Variants in VTI1A observed in about 807,000 individuals in gnomAD.
The protein encoded by VTI1A is vesicle transport through interaction with t-SNAREs homolog 1A.
A neutral mutation model predicts 34.9 loss-of-function variants in VTI1A; 22 were observed. The ratio of observed to expected loss-of-function variants is 0.63; its 90% CI spans 0.45 to 0.90. The LOEUF (loss-of-function observed/expected upper bound fraction) is 0.90. Ranked by LOEUF, VTI1A falls within the 40% of genes least tolerant of loss-of-function variation. VTI1A has a pLI of 0.00. For missense variants in VTI1A, 268 were observed against 275.6 expected (o/e 0.97, Z 0.20); for synonymous variants, 87 against 97.3 (o/e 0.89, Z 0.62).
chr10:112,584,106 T>C (rs1844060195), intron 5 of VTI1A, among the ~76,000 whole-genome samples: 1 of 152,232 alleles, frequency 6.6e-6, no homozygotes, highest in Non-Finnish European at 1.5e-5. Flanking sequence ...TACAATAGTA[T>C]TTAAAGAGCA....
intron 7 of VTI1A, among the ~76,000 whole-genome samples, chr10:112,796,265 G>A (rs991687796): frequency 6.6e-6 from 1 of 152,032 alleles, no homozygotes; most frequent in South Asian, 2.1e-4. Flanking sequence ...AATTAGCCAG[G>A]CATGGTGGCA....
intron 5 of VTI1A, among the ~76,000 whole-genome samples, chr10:112,645,988 A>T (rs1426155983): frequency 1.5e-5 from 2 of 135,676 alleles, no homozygotes; most frequent in East Asian, 4.3e-4. Context: ...AGTGCCAGGG[A>T]TGGGGAGTGG....
chr10:112,844,187 A>G, the VTI1A span, among the ~76,000 whole-genome samples: 2 of 152,192 alleles, frequency 1.3e-5, no homozygotes, highest in Non-Finnish European at 2.9e-5. Flanking sequence ...GAGTCCTTCC[A>G]GATATACCAT....
intron 5 of VTI1A, among the ~76,000 whole-genome samples, chr10:112,592,158 T>C (rs1310246304): frequency 6.6e-6 from 1 of 152,154 alleles, no homozygotes; most frequent in Non-Finnish European, 1.5e-5. Context: ...AGTTTGGAAA[T>C]GGATACATCC....
At chr10:112,827,734 A>G in the VTI1A span, 2 of 152,204 alleles carry the variant, frequency 1.3e-5, no homozygotes, top group African/African-American at 4.8e-5. Context: ...AAAGTCGGCT[A>G]TTCCCATCTT....
intron 7 of VTI1A, among the ~76,000 whole-genome samples, chr10:112,700,117 C>CAAAAAA (rs1201699870): frequency 4.2e-4 from 17 of 40,140 alleles, no homozygotes; most frequent in East Asian, 8.4e-4. Context: ...GACTCCATCT[C>CAAAAAA]AAAAAAAAAA....
chr10:112,495,839 A>G (rs1318654526), intron 3 of VTI1A, among the ~76,000 whole-genome samples: 2 of 152,220 alleles, frequency 1.3e-5, no homozygotes, highest in African/African-American at 4.8e-5. Context: ...CAATTCAATG[A>G]CTTGAATTGA....
chr10:112,711,266 G>T lies in VTI1A; in HGVS notation c.560+42268G>T, dbSNP rs887454417. ...ATTGTGCAGAATAGCCCTTACCAAG[G>T]AGTAATTTAGAGCATTTTCAGTTTA... On this transcript the variant is annotated intron_variant, in intron 7 of 7. Transcript: ENST00000393077. Among the ~76,000 whole-genome samples, 21 of 152,130 alleles carry T rather than the reference G, an allele frequency of 1.4e-4. 1 individual carries two copies. The highest frequency in any genetic ancestry group is 4.3e-4 in the African/African-American group (18 of 41,416).
At chr10:112,765,380 T>C (rs1465055913) in intron 7 of VTI1A, among the ~76,000 whole-genome samples, 1 of 152,130 alleles carries the variant, frequency 6.6e-6, no homozygotes, top group Non-Finnish European at 1.5e-5. Flanking sequence ...CAGCTAATTT[T>C]TGTATTTTTG....
chr10:112,492,141 GC>G (rs982999040), intron 3 of VTI1A, among the ~76,000 whole-genome samples: 9 of 152,118 alleles, frequency 5.9e-5, no homozygotes, highest in African/African-American at 1.7e-4. Flanking sequence ...ACTTCCCATT[GC>G]TAACGAAGAT....
At chr10:112,640,432 A>T (rs1284876517) in intron 5 of VTI1A, among the ~76,000 whole-genome samples, 2 of 151,196 alleles carry the variant, frequency 1.3e-5, no homozygotes, top group African/African-American at 4.9e-5. Context: ...CTCCTCTCCC[A>T]CTCCTCCTGC....
chr10:112,591,518 T>A (rs1302878113), intron 5 of VTI1A, among the ~76,000 whole-genome samples: 1 of 150,710 alleles, frequency 6.6e-6, no homozygotes, highest in African/African-American at 2.4e-5. Flanking sequence ...AGACTCCGTC[T>A]CACACACACA....
At chr10:112,509,925 T>C (rs948185491) in intron 3 of VTI1A, among the ~76,000 whole-genome samples, 15 of 152,210 alleles carry the variant, frequency 9.9e-5, no homozygotes, top group Non-Finnish European at 2.1e-4. Context: ...TGTAAGATGC[T>C]GTGAGGGAGC....
chr10:112,813,515 G>A (rs1392963076), intron 7 of VTI1A, among the ~76,000 whole-genome samples: 1 of 152,196 alleles, frequency 6.6e-6, no homozygotes, highest in Non-Finnish European at 1.5e-5. Flanking sequence ...ACAGTGACTT[G>A]GGCAAATGGG....
At chr10:112,464,681 C>T in intron 3 of VTI1A, 24 bp downstream of exon 3, 1 of 1,595,006 alleles carries the variant, frequency 6.3e-7, no homozygotes, top group Non-Finnish European at 8.6e-7. Context: ...GACCCTTTGT[C>T]ATATTTACTT....
chr10:112,518,589 C>CTATATA (rs34659243), intron 3 of VTI1A, among the ~76,000 whole-genome samples: 13 of 94,318 alleles, frequency 1.4e-4, no homozygotes, highest in South Asian at 3.9e-4. Flanking sequence ...CTCTCTCTCT[C>CTATATA]TATATATATA....
At chr10:112,700,684 T>A (rs2133899593) in intron 7 of VTI1A, among the ~76,000 whole-genome samples, 1 of 152,336 alleles carries the variant, frequency 6.6e-6, no homozygotes, top group East Asian at 1.9e-4. Context: ...CCATAGCTAT[T>A]GTATAAGTCA....
intron 3 of VTI1A, among the ~76,000 whole-genome samples, chr10:112,518,757 T>C (rs1201518469): frequency 6.6e-6 from 1 of 150,998 alleles, no homozygotes; most frequent in Non-Finnish European, 1.5e-5. Context: ...AAAGAACCAG[T>C]AGAGGGTGAA....
downstream of VTI1A, among the ~76,000 whole-genome samples, chr10:112,821,307 G>T (rs539859095): frequency 1.5e-4 from 23 of 151,770 alleles, no homozygotes; most frequent in Non-Finnish European, 2.9e-5. Flanking sequence ...GACCAGCACC[G>T]CTCAGCACAG....
Sources: gnomAD v4.1 joint callset for allele counts (sites outside exome capture counted in the v4.1 genomes callset) on GRCh38, gnomAD v4.1.1 for gene constraint, MANE v1.5 for transcripts, NCBI Gene and HGNC (gene_info 2026-07-23, HGNC 2026-07-21) for gene names.